Variants in DOCK9 observed in about 807,000 individuals in gnomAD.
DOCK9 encodes the protein dedicator of cytokinesis protein 9.
DOCK9 carries 89 observed loss-of-function variants against 263.3 expected under a neutral mutation model. The ratio of observed to expected loss-of-function variants is 0.34; its 90% CI spans 0.28 to 0.40. DOCK9 has a LOEUF of 0.40. Ranked by LOEUF, DOCK9 falls within the 10% of genes least tolerant of loss-of-function variation. The pLI is 1.00. For synonymous variants in DOCK9, 976 were observed against 973.1 expected (o/e 1.00, Z -0.06); for missense variants, 2,140 against 2,603.4 (o/e 0.82, Z 3.87).
At chr13:98,867,681 T>G (rs1175391161) in intron 29 of DOCK9, 145 bp from the exon 30 acceptor site, 3 of 681,528 alleles carry the variant, frequency 4.4e-6, no homozygotes, top group Non-Finnish European at 7.5e-6. Context: ...CTGTACAGAT[T>G]TCAGGATGGC....
At position 98,930,256 on chromosome 13, in the gene DOCK9, G is replaced by T. The variant is rs201475039; in HGVS notation, c.245C>A (p.Thr82Lys). The T allele has an allele frequency of 3.7e-6, 6 of 1,608,084 alleles. No homozygotes were observed. Among genetic ancestry groups the T allele is most frequent in the South Asian group, 3.4e-5 (3 of 89,420 alleles). ...MLLFPYDDFQ[T>K]AILRRQGRYI... is the part of the protein sequence containing the mutation. The stretch of plus-strand genomic sequence containing the variant: ...TCGACCCTGTCGTCTCAGGATGGCC[G>T]TCTGGAAACAAAAACAGGAGGAAAA... The change falls in exon 3 of 53, where the codon ACG becomes AAG. Residue 82 changes from threonine to lysine, a missense_variant and splice_region_variant. Thr to Lys is a moderately conservative substitution (Grantham distance 78). Around this residue, in one of 2 missense-constraint regions of DOCK9, gnomAD observed 1,521 missense variants for 1,741.7 expected, o/e 0.87. Transcript: ENST00000682017.
At position 98,794,685 on chromosome 13, in the gene DOCK9, T is replaced by C. The variant is rs748796866; in HGVS notation, c.6220A>G (p.Ser2074Gly). ...PNSLHIFNAI[S>G]GTPTSTMVHG... ...ACCATTGTGCTTGTTGGAGTCCCAC[T>C]GATGGCGTTGAAGATGTGAAGGGAA... The change falls in exon 53 of 53, where the codon AGT becomes GGT. Residue 2074 changes from serine (S) to glycine (G), a missense_variant. Ser to Gly is a moderately conservative substitution (Grantham distance 56). Coordinates refer to ENST00000682017, the MANE Select transcript of DOCK9 (RefSeq NM_001366683.2). The C allele has an allele frequency of 1.2e-6, 2 of 1,613,856 alleles. No homozygotes were observed. The highest frequency in any genetic ancestry group is 2.2e-5 in the East Asian group (1 of 44,876).
chr13:98,860,280 T>A, intron 33 of DOCK9, 125 bp downstream of exon 33: 1 of 1,485,074 alleles, frequency 6.7e-7, no homozygotes, highest in Non-Finnish European at 9.0e-7. Flanking sequence ...AGGAAAAGAA[T>A]ACTCAGGAAA....
intron 1 of DOCK9, among the ~76,000 whole-genome samples, chr13:98,999,316 A>ACACACACT: frequency 2.9e-5 from 4 of 138,370 alleles, no homozygotes; most frequent in Admixed American, 7.0e-5. Flanking sequence ...ACACACACAC[A>ACACACACT]CTCTCTCTCT....
intron 45 of DOCK9, among the ~76,000 whole-genome samples, chr13:98,823,774 T>TGTTTTA (rs1426406989): frequency 6.6e-6 from 1 of 152,258 alleles, no homozygotes; most frequent in Non-Finnish European, 1.5e-5. Context: ...GATAAGTGGC[T>TGTTTTA]GCAAGGCTAA....
intron 27 of DOCK9, among the ~76,000 whole-genome samples, chr13:98,870,059 T>C (rs1394511859): frequency 1.3e-5 from 2 of 152,362 alleles, no homozygotes; most frequent in African/African-American, 2.4e-5. Context: ...TAAACCACTA[T>C]TATTATGGCC....
At chr13:98,800,141 G>A (rs1180370682) in intron 50 of DOCK9, 147 bp downstream of exon 50, 5 of 876,158 alleles carry the variant, frequency 5.7e-6, no homozygotes, top group African/African-American at 3.4e-5. Context: ...GATATCAGGA[G>A]AAATGTCACA....
chr13:98,795,623 C>CAA (rs2089279205), intron 52 of DOCK9, among the ~76,000 whole-genome samples: 1 of 152,218 alleles, frequency 6.6e-6, no homozygotes, highest in Admixed American at 6.5e-5. Flanking sequence ...ACCCACTGAC[C>CAA]AAACTCTCCA....
At chr13:99,027,499 G>A (rs1349296705) in intron 1 of DOCK9, among the ~76,000 whole-genome samples, 1 of 152,084 alleles carries the variant, frequency 6.6e-6, no homozygotes, top group South Asian at 2.1e-4. Flanking sequence ...AGAAATCAAC[G>A]CATTAAACCA....
chr13:98,819,283 G>C (rs1328191752), intron 45 of DOCK9, among the ~76,000 whole-genome samples: 1 of 152,236 alleles, frequency 6.6e-6, no homozygotes, highest in Non-Finnish European at 1.5e-5. Flanking sequence ...GAAAATCTCT[G>C]AGGCAGGGAC....
At chr13:99,068,833 A>T (rs902959256) in intron 1 of DOCK9, among the ~76,000 whole-genome samples, 2 of 152,162 alleles carry the variant, frequency 1.3e-5, no homozygotes, top group Non-Finnish European at 2.9e-5. Context: ...ATATCCTGTA[A>T]ATTCTAGCTA....
intron 1 of DOCK9, among the ~76,000 whole-genome samples, chr13:98,989,047 T>C (rs1424624769): frequency 6.6e-6 from 1 of 152,188 alleles, no homozygotes; most frequent in African/African-American, 2.4e-5. Flanking sequence ...AAGAACACTG[T>C]GTTGCCTCCT....
chr13:98,838,447 T>A (rs2093090471), intron 38 of DOCK9, among the ~76,000 whole-genome samples: 1 of 152,218 alleles, frequency 6.6e-6, no homozygotes, highest in Admixed American at 6.5e-5. Context: ...GACTGCGCTG[T>A]GCATAGTATT....
At chr13:98,975,866 T>C (rs1235420975) in intron 1 of DOCK9, among the ~76,000 whole-genome samples, 1 of 152,176 alleles carries the variant, frequency 6.6e-6, no homozygotes. Flanking sequence ...CCACTGACAT[T>C]CGAACAATGA....
At chr13:98,905,092 G>A (rs1230712118) in intron 9 of DOCK9, among the ~76,000 whole-genome samples, 2 of 152,222 alleles carry the variant, frequency 1.3e-5, no homozygotes, top group Non-Finnish European at 2.9e-5. Context: ...TGCACAGACA[G>A]ACACTGAGGA....
intron 1 of DOCK9, among the ~76,000 whole-genome samples, chr13:98,970,839 G>A (rs2059663764): frequency 6.6e-6 from 1 of 151,934 alleles, no homozygotes; most frequent in South Asian, 2.1e-4. Flanking sequence ...GAGCTAGGCT[G>A]TCTTGTTATC....
At chr13:99,007,126 A>G (rs1209857293) in intron 1 of DOCK9, among the ~76,000 whole-genome samples, 1 of 152,132 alleles carries the variant, frequency 6.6e-6, no homozygotes, top group Non-Finnish European at 1.5e-5. Context: ...GCAGTGGTTC[A>G]CGCCTGTAAT....
exon 1 of DOCK9, chr13:99,086,347 G>C: frequency 6.9e-7 from 1 of 1,439,190 alleles, no homozygotes; most frequent in Non-Finnish European, 9.1e-7. Flanking sequence ...CGGCGGCTGC[G>C]ACATCCTCCT....
intron 44 of DOCK9, among the ~76,000 whole-genome samples, chr13:98,824,938 A>C (rs1245882015): frequency 6.6e-6 from 1 of 152,198 alleles, no homozygotes; most frequent in African/African-American, 2.4e-5. Context: ...CTGTCACCTC[A>C]CCCACTCTGG....
Sources: allele counts gnomAD v4.1 joint callset (sites outside exome capture counted in the v4.1 genomes callset), GRCh38; gene constraint gnomAD v4.1.1; regional missense constraint gnomAD v4.1.1; transcripts MANE v1.5; gene names NCBI Gene and HGNC (gene_info 2026-07-23, HGNC 2026-07-21).